Variants in OR1L8 observed in about 807,000 individuals in gnomAD.
OR1L8 encodes olfactory receptor 1L8.
For missense variants in OR1L8, 330 were observed against 377.4 expected (o/e 0.87, Z 1.04); for synonymous variants, 148 against 147.0 (o/e 1.01, Z -0.05).
At chr9:122,569,099 T>C (rs564061194) in intron 4 of OR1L8, among the ~76,000 whole-genome samples, 1 of 152,252 alleles carries the variant, frequency 6.6e-6, no homozygotes, top group East Asian at 1.9e-4. Flanking sequence ...AGGGCAAATC[T>C]AAGACGACTG....
At chr9:122,561,384 A>G in the OR1L8 span, among the ~76,000 whole-genome samples, 1 of 152,204 alleles carries the variant, frequency 6.6e-6, no homozygotes, top group South Asian at 2.1e-4. Context: ...CCCTTGCTGG[A>G]GAGGTGTTGT....
intron 4 of OR1L8, among the ~76,000 whole-genome samples, chr9:122,571,580 G>A (rs1829551461): frequency 6.6e-6 from 1 of 151,562 alleles, no homozygotes; most frequent in Non-Finnish European, 1.5e-5. Context: ...GCTGAGTGTG[G>A]TGGGGCGCAC....
chr9:122,562,842 A>G (rs1829374253), downstream of OR1L8, among the ~76,000 whole-genome samples: 1 of 152,160 alleles, frequency 6.6e-6, no homozygotes, highest in African/African-American at 2.4e-5. Context: ...ACAAAAGAAT[A>G]AAAATGATTT....
At chr9:122,554,281 A>T in the OR1L8 span, 5 of 660,936 alleles carry the variant, frequency 7.6e-6, no homozygotes, top group Non-Finnish European at 9.7e-6. Flanking sequence ...ACTCTGAGTT[A>T]GGGATGTAAA....
intron 1 of OR1L8, among the ~76,000 whole-genome samples, chr9:122,581,438 G>T (rs1829737573): frequency 6.6e-6 from 1 of 152,004 alleles, no homozygotes; most frequent in East Asian, 1.9e-4. Context: ...TAGGTAAAAA[G>T]GTAGGTCATT....
At chr9:122,576,180 A>ATATATATG (rs199961127) in intron 3 of OR1L8, among the ~76,000 whole-genome samples, 7,459 of 151,996 alleles carry the variant, frequency 0.049, 284 homozygotes, top group South Asian at 0.16. Flanking sequence ...AAGTATATAC[A>ATATATATG]TATATATGTA....
At chr9:122,555,554 C>T in the OR1L8 span, among the ~76,000 whole-genome samples, 1 of 152,148 alleles carries the variant, frequency 6.6e-6, no homozygotes, top group African/African-American at 2.4e-5. Flanking sequence ...AGATCCCCAC[C>T]TTTGCCCTCC....
At chr9:122,554,604 T>C in the OR1L8 span, among the ~76,000 whole-genome samples, 1 of 152,084 alleles carries the variant, frequency 6.6e-6, no homozygotes, top group African/African-American at 2.4e-5. Flanking sequence ...GTGAAAACTG[T>C]GAATTAGGAT....
chr9:122,550,156 A>G, the OR1L8 span, among the ~76,000 whole-genome samples: 1 of 152,176 alleles, frequency 6.6e-6, no homozygotes, highest in African/African-American at 2.4e-5. Context: ...AACCTTGAGG[A>G]AATGGATAAA....
Position 122,568,522 on chromosome 9 carries a change from G to T in OR1L8, c.-45C>A. On this transcript the variant is annotated 5_prime_UTR_variant, in exon 5 of 5. Transcript: ENST00000641027. ...AACAAGAAGTTTTGTCATTTAACAT[G>T]CTCTGATTTCATAACACCAATCATG... is the stretch of plus-strand genomic sequence containing the variant. 2.6e-6 allele frequency: 3 copies of T among 1,151,036 alleles called. No individual in the cohort carries two copies. The highest frequency in any genetic ancestry group is 2.5e-6 in the Non-Finnish European group (2 of 800,510). The allele number at this position is 1,151,036 out of a possible 1,614,324, so 71.3% of individuals were successfully genotyped here. A position where few individuals can be genotyped will look rare whatever the true frequency, so the allele number is the denominator to read the frequency against.
the OR1L8 span, among the ~76,000 whole-genome samples, chr9:122,549,524 G>C: frequency 6.6e-6 from 1 of 152,082 alleles, no homozygotes; most frequent in Non-Finnish European, 1.5e-5. Flanking sequence ...AATCCATCTT[G>C]AGTTAATTTT....
the OR1L8 span, among the ~76,000 whole-genome samples, chr9:122,547,586 C>T: frequency 2.0e-5 from 3 of 150,582 alleles, no homozygotes; most frequent in African/African-American, 7.3e-5. Context: ...CTATGCCCAA[C>T]TTGATTTCAT....
the OR1L8 span, among the ~76,000 whole-genome samples, chr9:122,547,464 A>G: frequency 1.3e-5 from 2 of 152,128 alleles, no homozygotes; most frequent in African/African-American, 4.8e-5. Flanking sequence ...CTGGGCTTTT[A>G]GTGTAACTAT....
chr9:122,567,425 A>G lies in OR1L8; in HGVS notation c.*123T>C. On this transcript the variant is annotated 3_prime_UTR_variant, in exon 5 of 5. Coordinates refer to ENST00000641027, the MANE Select transcript of OR1L8 (RefSeq NM_001004454.2). Reference sequence around the variant, plus strand: ...ATCAATGGATGTAAGTGCCCACAATAGCCTTGTCTCACATGGGTCAGAAGT... The same window carrying G: ...ATCAATGGATGTAAGTGCCCACAATGGCCTTGTCTCACATGGGTCAGAAGT... The G allele has an allele frequency of 1.5e-6, 1 of 678,970 alleles. No individual in the cohort carries two copies. The highest frequency in any genetic ancestry group is 2.5e-6 in the Non-Finnish European group (1 of 403,770). 42.1% of individuals were successfully genotyped at this position (678,970 alleles called of 1,614,324 possible).
the OR1L8 span, chr9:122,553,278 T>A: frequency 1.9e-6 from 3 of 1,613,480 alleles, no homozygotes; most frequent in Non-Finnish European, 2.5e-6. Flanking sequence ...ACTCTCTGAG[T>A]GGCCAGAGGA....
chr9:122,557,499 CAACTA>C, the OR1L8 span, among the ~76,000 whole-genome samples: 1 of 151,920 alleles, frequency 6.6e-6, no homozygotes, highest in Non-Finnish European at 1.5e-5. Context: ...TTGATGTGAT[CAACTA>C]AATTAATTGA....
Position 122,568,600 on chromosome 9 carries a change from T to A in OR1L8, c.-123A>T. 1.6e-6 allele frequency: 1 copy of A among 633,000 alleles called. No homozygotes were observed. Among genetic ancestry groups the A allele is most frequent in the Non-Finnish European group, 2.7e-6 (1 of 370,490 alleles). The allele number at this position is 633,000 out of a possible 1,614,324, so 39.2% of individuals were successfully genotyped here. ...GTTTGGTCACAATTAGCTACTGTGC[T>A]AATTGTGGGATGGCTTGTTCACCTC... On this transcript the variant is annotated 5_prime_UTR_variant, in exon 5 of 5. It removes the in-frame stop codon of an upstream open reading frame in the 5' UTR. Coordinates refer to ENST00000641027, the MANE Select transcript of OR1L8 (RefSeq NM_001004454.2).
At chr9:122,566,380 T>C (rs899719581), downstream of OR1L8, among the ~76,000 whole-genome samples, 1 of 152,224 alleles carries the variant, frequency 6.6e-6, no homozygotes, top group African/African-American at 2.4e-5. Context: ...TCTCCCTCCA[T>C]GTTTCCCCCT....
the OR1L8 span, chr9:122,553,202 A>C: frequency 6.2e-7 from 1 of 1,613,056 alleles, no homozygotes; most frequent in Non-Finnish European, 8.5e-7. Context: ...GATCACACGA[A>C]CTACAAGGGA....
Sources: gnomAD v4.1 joint callset for allele counts (sites outside exome capture counted in the v4.1 genomes callset) on GRCh38, gnomAD v4.1.1 for gene constraint, MANE v1.5 for transcripts, NCBI Gene and HGNC (gene_info 2026-07-23, HGNC 2026-07-21) for gene names.